The following MIPOL1 variants were observed in gnomAD, a reference collection of about 807,000 sequenced individuals.
The protein encoded by MIPOL1 is mirror-image polydactyly 1, also known as mirror-image polydactyly gene 1 protein.
MIPOL1 carries 57 observed loss-of-function variants against 60.9 expected under a neutral mutation model. The observed-to-expected ratio is 0.94, with a 90% CI of 0.76 to 1.17. The LOEUF (loss-of-function observed/expected upper bound fraction) is 1.17, where lower values mean the gene tolerates loss of function less well. MIPOL1 is among the 50% of genes most tolerant of loss of function. The pLI, the probability that MIPOL1 is intolerant of heterozygous loss-of-function variation, is 0.00. For missense variants in MIPOL1, 551 were observed against 511.6 expected, an observed-to-expected ratio of 1.08 and a Z score of -0.74; for synonymous variants, 179 against 168.8, an observed-to-expected ratio of 1.06 and a Z score of -0.47.
intron 1 of MIPOL1, among the ~76,000 whole-genome samples, chr14:37,210,561 A>T (rs1213848658): frequency 6.6e-6 from 1 of 152,084 alleles, no homozygotes; most frequent in Non-Finnish European, 1.5e-5. Context: ...GATTCCTCTA[A>T]TCAGTCTCCT....
chr14:37,198,586 T>G (rs1257937888), intron 1 of MIPOL1, among the ~76,000 whole-genome samples: 1 of 152,128 alleles, frequency 6.6e-6, no homozygotes, highest in Non-Finnish European at 1.5e-5. Flanking sequence ...TAGAATTTTT[T>G]TTTTTCTTTT....
intron 9 of MIPOL1, among the ~76,000 whole-genome samples, chr14:37,366,945 G>A (rs753146494): frequency 1.3e-5 from 2 of 151,828 alleles, no homozygotes; most frequent in Non-Finnish European, 2.9e-5. Context: ...CTTGAAATTT[G>A]TTTTGTCTGA....
At chr14:37,276,412 G>T (rs1025609269) in intron 6 of MIPOL1, 7 of 150,908 alleles carry the variant, frequency 4.6e-5, no homozygotes, top group African/African-American at 1.7e-4. Context: ...TTCTATTCAG[G>T]TTAAAATGTA....
intron 11 of MIPOL1, among the ~76,000 whole-genome samples, chr14:37,465,794 A>G (rs2094591039): frequency 6.6e-6 from 1 of 152,094 alleles, no homozygotes; most frequent in Non-Finnish European, 1.5e-5. Context: ...TCCTGCCAGA[A>G]TAATAATAAA....
intron 7 of MIPOL1, among the ~76,000 whole-genome samples, chr14:37,296,011 G>C (rs2085632216): frequency 6.6e-6 from 1 of 152,250 alleles, no homozygotes; most frequent in East Asian, 1.9e-4. Flanking sequence ...ATTCTTCTCA[G>C]CACCACACCA....
chr14:37,460,583 A>G (rs1447133145), intron 11 of MIPOL1, among the ~76,000 whole-genome samples: 1 of 152,230 alleles, frequency 6.6e-6, no homozygotes, highest in African/African-American at 2.4e-5. Context: ...CTGTTCACTG[A>G]TGACATGATC....
At chr14:37,217,565 C>G (rs984856859) in intron 1 of MIPOL1, among the ~76,000 whole-genome samples, 2 of 152,124 alleles carry the variant, frequency 1.3e-5, no homozygotes, top group South Asian at 4.1e-4. Flanking sequence ...GGGATTTTCC[C>G]TGGGATACAG....
intron 1 of MIPOL1, among the ~76,000 whole-genome samples, chr14:37,205,615 G>A (rs1261637441): frequency 1.3e-5 from 2 of 151,940 alleles, no homozygotes; most frequent in East Asian, 1.9e-4. Flanking sequence ...GCTGTCCCCC[G>A]CCAGCTCCCC....
intron 3 of MIPOL1, among the ~76,000 whole-genome samples, chr14:37,266,631 C>T (rs1381280083): frequency 6.6e-6 from 1 of 152,098 alleles, no homozygotes; most frequent in East Asian, 1.9e-4. Flanking sequence ...TTATGAAGTG[C>T]CATATTTCTT....
rs772471746 is a variant in MIPOL1, at chr14:37,266,937, G to A, written c.20-1G>A. 1.2e-6 allele frequency: 2 copies of A among 1,600,862 alleles called. No individual in the cohort carries two copies. Among genetic ancestry groups the A allele is most frequent in the East Asian group, 2.3e-5 (1 of 44,204 alleles). On this transcript the variant is annotated splice_acceptor_variant, in intron 3 of 12. Coordinates refer to ENST00000684589, the MANE Select transcript of MIPOL1 (RefSeq NM_001388067.1). LOFTEE classifies it high-confidence loss of function. Reference sequence around the variant, plus strand: ...TGTGTTATTTGTTTGTTTAAATACAGACATAACCCACAGTTATCTTGAACA... The same window carrying A: ...TGTGTTATTTGTTTGTTTAAATACAAACATAACCCACAGTTATCTTGAACA...
At chr14:37,218,427 A>G (rs1968129991) in intron 1 of MIPOL1, among the ~76,000 whole-genome samples, 1 of 151,640 alleles carries the variant, frequency 6.6e-6, no homozygotes, top group South Asian at 2.1e-4. Flanking sequence ...ACCTCAAGTG[A>G]TCTTCCTGTC....
intron 9 of MIPOL1, among the ~76,000 whole-genome samples, chr14:37,316,239 C>G (rs1165326805): frequency 6.6e-6 from 1 of 151,998 alleles, no homozygotes; most frequent in Non-Finnish European, 1.5e-5. Flanking sequence ...TCATGTTGGC[C>G]AGGCTAGTCT....
intron 1 of MIPOL1, chr14:37,227,870 G>A (rs1417651055): frequency 6.6e-6 from 1 of 152,092 alleles, no homozygotes; most frequent in Non-Finnish European, 1.5e-5. Flanking sequence ...TATCACATCT[G>A]CCCACACTAC....
intron 1 of MIPOL1, among the ~76,000 whole-genome samples, chr14:37,236,751 T>A (rs1971555501): frequency 6.6e-6 from 1 of 152,166 alleles, no homozygotes; most frequent in Non-Finnish European, 1.5e-5. Flanking sequence ...AAATTATTTG[T>A]GCACTCTGTT....
intron 11 of MIPOL1, among the ~76,000 whole-genome samples, chr14:37,433,066 A>T (rs982147848): frequency 6.6e-6 from 1 of 152,180 alleles, no homozygotes; most frequent in Middle Eastern, 3.4e-3. Flanking sequence ...ACTTTTTAAA[A>T]TTTTTTATTT....
chr14:37,495,274 TC>T (rs2095106474), intron 11 of MIPOL1, among the ~76,000 whole-genome samples: 2 of 82,594 alleles, frequency 2.4e-5, no homozygotes, highest in Non-Finnish European at 4.5e-5. Context: ...ATGCTATCCC[TC>T]CCCCCTCCCC....
intron 11 of MIPOL1, among the ~76,000 whole-genome samples, chr14:37,462,971 A>G (rs1361045079): frequency 6.6e-6 from 1 of 151,998 alleles, no homozygotes; most frequent in Non-Finnish European, 1.5e-5. Flanking sequence ...TCACTTCCAC[A>G]TTTTCGGGTA....
At chr14:37,295,664 A>G (rs1313677249) in intron 7 of MIPOL1, among the ~76,000 whole-genome samples, 1 of 152,218 alleles carries the variant, frequency 6.6e-6, no homozygotes, top group Non-Finnish European at 1.5e-5. Flanking sequence ...CTAGTCTTTG[A>G]TAAAACAGAC....
At chr14:37,427,259 C>G (rs1053367790) in intron 11 of MIPOL1, among the ~76,000 whole-genome samples, 11 of 152,142 alleles carry the variant, frequency 7.2e-5, no homozygotes, top group African/African-American at 2.7e-4. Flanking sequence ...AATTCTAATA[C>G]ATGCTGCAAC....
Sources: gnomAD v4.1 joint callset for allele counts (sites outside exome capture counted in the v4.1 genomes callset) on GRCh38, gnomAD v4.1.1 for gene constraint, MANE v1.5 for transcripts, NCBI Gene and HGNC (gene_info 2026-07-23, HGNC 2026-07-21) for gene names.